The following DYNC1H1 variants were observed in gnomAD, a reference collection of about 807,000 sequenced individuals.
DYNC1H1 encodes the protein cytoplasmic dynein 1 heavy chain 1.
In DYNC1H1, 51 loss-of-function variants were observed where a neutral mutation model predicts 527.1. The observed-to-expected ratio is 0.10, with a 90% confidence interval of 0.08 to 0.12. The LOEUF is 0.12. Among genes scored for constraint, DYNC1H1 ranks in the 10% least tolerant of loss-of-function variants. DYNC1H1 has a pLI of 1.00. For missense variants in DYNC1H1, 2,771 were observed against 5,971.8 expected (o/e 0.46, Z 17.66); for synonymous variants, 2,189 against 2,278.8 (o/e 0.96, Z 1.12).
At chr14:101,988,120 A>G (rs2047956729) in intron 9 of DYNC1H1, among the ~76,000 whole-genome samples, 4 of 152,196 alleles carry the variant, frequency 2.6e-5, no homozygotes, top group Non-Finnish European at 5.9e-5. Context: ...CAGTACTCAC[A>G]TCAAGTTTAA....
chr14:101,984,384 T>A (rs561002247), intron 7 of DYNC1H1, among the ~76,000 whole-genome samples: 246 of 147,684 alleles, frequency 1.7e-3, no homozygotes, highest in African/African-American at 6.0e-3. Context: ...TGTGTGTGTA[T>A]ATATATATGC....
In DYNC1H1 at chr14:101,975,757, A is replaced by T; in HGVS notation, c.302A>T (p.Tyr101Phe). 6.2e-7 allele frequency: 1 copy of T among 1,613,828 alleles called. No homozygotes were observed. The highest frequency in any genetic ancestry group is 1.1e-5 in the South Asian group (1 of 91,062). The change falls in exon 2 of 78, where the codon TAT becomes TTT. Residue 101 changes from tyrosine (Y) to phenylalanine (F), a missense_variant. Coordinates refer to ENST00000360184, the MANE Select transcript of DYNC1H1 (RefSeq NM_001376.5). ...GAAGAAGAAAAAGAATTCATTTCCTATAACATCAACATAGACATTCATTAT... is the reference window on the plus strand; with the variant it reads ...GAAGAAGAAAAAGAATTCATTTCCTTTAACATCAACATAGACATTCATTAT... ...EGEEEKEFISYNINIDIHYGV... is the reference protein window; with the variant it reads ...EGEEEKEFISFNINIDIHYGV...
chr14:102,010,113 C>T lies in DYNC1H1; in HGVS notation c.6221+27C>T, dbSNP rs1324678123. On this transcript the variant is annotated intron_variant, in intron 30 of 77. Transcript: ENST00000360184. The surrounding 1 kb of genome is among the most constrained non-coding windows in gnomAD (Gnocchi z 6.0). ...TAAGTAGCCTAGAATTCTTCATAAT[C>T]ATGTTTCTTGCATATGTTAAATGTG... 2 of 1,613,292 alleles carry T rather than the reference C, an allele frequency of 1.2e-6. No homozygotes were observed. The highest frequency in any genetic ancestry group is 4.5e-5 in the East Asian group (2 of 44,894).
Position 102,015,056 on chromosome 14 carries a change from G to A in DYNC1H1, c.7015-49G>A, listed in dbSNP as rs762775207. 3 of 1,605,144 alleles carry A rather than the reference G, an allele frequency of 1.9e-6. No individual in the cohort carries two copies. Among genetic ancestry groups the A allele is most frequent in the Non-Finnish European group, 2.6e-6 (3 of 1,172,198 alleles). On this transcript the variant is annotated intron_variant, in intron 34 of 77. Coordinates refer to ENST00000360184, the MANE Select transcript of DYNC1H1 (RefSeq NM_001376.5). The surrounding 1 kb of genome is among the most constrained non-coding windows in gnomAD (Gnocchi z 6.9). ...TAGGTAAAAGAATCTTAATGTCCAGGTTTCTTCCAAACCTATGTCATTAAA... is the reference window on the plus strand; with the variant it reads ...TAGGTAAAAGAATCTTAATGTCCAGATTTCTTCCAAACCTATGTCATTAAA...
chr14:101,975,637 TC>T (rs1342563358), intron 1 of DYNC1H1, 74 bp from the exon 2 acceptor site: 1 of 1,337,446 alleles, frequency 7.5e-7, no homozygotes, highest in Non-Finnish European at 1.1e-6. Flanking sequence ...GAGAAAATAG[TC>T]ATTGTCTAAG....
At position 102,042,773 on chromosome 14, in the gene DYNC1H1, G is replaced by A. The variant is rs774332716; in HGVS notation, c.12513+25G>A. On this transcript the variant is annotated intron_variant, in intron 69 of 77. Coordinates refer to ENST00000360184, the MANE Select transcript of DYNC1H1 (RefSeq NM_001376.5). This position sits in a 1 kb window ranked among gnomAD's most constrained non-coding sequence, Gnocchi z 5.7. The stretch of plus-strand genomic sequence containing the variant: ...GGTAAGTACCTTGTCCTCCTGGTAT[G>A]CTTTCCCCATAGAAGCTAAAGCCCA... 1 of 1,612,440 alleles carries A rather than the reference G, an allele frequency of 6.2e-7. No homozygotes were observed. Among genetic ancestry groups the A allele is most frequent in the Admixed American group, 1.7e-5 (1 of 59,872 alleles).
At chr14:102,048,818 G>GC (rs2048763204) in intron 74 of DYNC1H1, 149 bp downstream of exon 74, 1 of 369,054 alleles carries the variant, frequency 2.7e-6, no homozygotes, top group Non-Finnish European at 5.2e-6. Context: ...CTCAAGGTGG[G>GC]CGGGGGGAGG....
rs747669050 is a variant in DYNC1H1, at chr14:102,020,322, G to A, written c.8507+266G>A. 4.6e-5 allele frequency among the ~76,000 whole-genome samples: 7 copies of A among 152,164 alleles called. No homozygotes were observed. Among genetic ancestry groups the A allele is most frequent in the Non-Finnish European group, 1.0e-4 (7 of 68,014 alleles). ...AGGCACTTTCATAAACCTTGTGGCT[G>A]TGAACAGGGTACTTTTTTTTTTAAA... is the stretch of plus-strand genomic sequence containing the variant. On this transcript the variant is annotated intron_variant, in intron 42 of 77. Coordinates refer to ENST00000360184, the MANE Select transcript of DYNC1H1 (RefSeq NM_001376.5). The surrounding 1 kb of genome is among the most constrained non-coding windows in gnomAD (Gnocchi z 4.3).
At chr14:102,034,606 G>A in intron 56 of DYNC1H1, 154 bp downstream of exon 56, 3 of 1,223,474 alleles carry the variant, frequency 2.5e-6, no homozygotes, top group Non-Finnish European at 3.5e-6. Flanking sequence ...GGTGGGGCGT[G>A]TGCTGTTCTC....
In DYNC1H1 at chr14:101,964,950, G is replaced by A; in HGVS notation, c.256+3G>A. On this transcript the variant is annotated splice_donor_region_variant and intron_variant, in intron 1 of 77. Coordinates refer to ENST00000360184, the MANE Select transcript of DYNC1H1 (RefSeq NM_001376.5). The surrounding 1 kb of genome is among the most constrained non-coding windows in gnomAD (Gnocchi z 5.5). ...GGTGGAGCGCTCCACGCTCAAAGGT[G>A]CGGGGCCGCGGAGGGCAGGGTCGCC... 1 of 1,591,526 alleles carries A rather than the reference G, an allele frequency of 6.3e-7. No homozygotes were observed. Among genetic ancestry groups the A allele is most frequent in the Admixed American group, 1.8e-5 (1 of 56,848 alleles).
rs373150429 is a variant in DYNC1H1, at chr14:102,049,987, G to A, written c.13685-84G>A. The A allele has an allele frequency of 1.8e-5, 29 of 1,595,516 alleles. No individual in the cohort carries two copies. The highest frequency in any genetic ancestry group is 1.8e-4 in the Admixed American group (10 of 56,852). On this transcript the variant is annotated intron_variant, in intron 76 of 77. Transcript: ENST00000360184. The surrounding 1 kb of genome is among the most constrained non-coding windows in gnomAD (Gnocchi z 5.5). ...ACTTAGGGTGACCGGCTGGCAGTTG[G>A]GTGGAGCCTCTGGGCGCCCTGTGAC...
chr14:102,049,968 G>A lies in DYNC1H1; in HGVS notation c.13684+86G>A, dbSNP rs1169041944. 1 of 1,613,656 alleles carries A rather than the reference G, an allele frequency of 6.2e-7. No individual in the cohort carries two copies. The highest frequency in any genetic ancestry group is 2.2e-5 in the East Asian group (1 of 44,890). On this transcript the variant is annotated intron_variant, in intron 76 of 77. Transcript: ENST00000360184. This position sits in a 1 kb window ranked among gnomAD's most constrained non-coding sequence, Gnocchi z 5.5. ...ATTGTTCCCAGATACATGCACTTAGGGTGACCGGCTGGCAGTTGGGTGGAG... is the reference window on the plus strand; with the variant it reads ...ATTGTTCCCAGATACATGCACTTAGAGTGACCGGCTGGCAGTTGGGTGGAG...
In DYNC1H1 at chr14:102,005,658, C is replaced by T. The variant is rs774369800; in HGVS notation, c.5434-230C>T. 6.6e-6 allele frequency among the ~76,000 whole-genome samples: 1 copy of T among 152,184 alleles called. No individual in the cohort carries two copies. Among genetic ancestry groups the T allele is most frequent in the Non-Finnish European group, 1.5e-5 (1 of 68,032 alleles). On this transcript the variant is annotated intron_variant, in intron 26 of 77. Transcript: ENST00000360184. This position sits in a 1 kb window ranked among gnomAD's most constrained non-coding sequence, Gnocchi z 4.0. Reference sequence around the variant, plus strand: ...TGCAGAATTTTAAAATATTTAAAGCCAGGTGTTTCTGTTTCTTTGTTTTTG... The same window carrying T: ...TGCAGAATTTTAAAATATTTAAAGCTAGGTGTTTCTGTTTCTTTGTTTTTG...
At chr14:102,032,186 C>A in intron 51 of DYNC1H1, 86 bp from the exon 52 acceptor site, 2 of 1,528,828 alleles carry the variant, frequency 1.3e-6, no homozygotes, top group Non-Finnish European at 1.8e-6. Flanking sequence ...GGAGTTGGAG[C>A]TCCTGGCTGT....
chr14:102,040,742 T>C, intron 64 of DYNC1H1, 69 bp downstream of exon 64: 10 of 1,570,692 alleles, frequency 6.4e-6, no homozygotes, highest in Non-Finnish European at 7.9e-6. Context: ...AAAGGGATGC[T>C]TTCAAAAAAC....
Position 101,983,078 on chromosome 14 carries a change from C to T in DYNC1H1, c.1021C>T (p.Leu341=). The T allele has an allele frequency of 6.8e-6, 11 of 1,614,212 alleles. No individual in the cohort carries two copies. The highest frequency in any genetic ancestry group is 9.3e-6 in the Non-Finnish European group (11 of 1,180,048). Residue 341 remains leucine (L), a synonymous_variant, in exon 6 of 78, where the codon CTG becomes TTG. Coordinates refer to ENST00000360184, the MANE Select transcript of DYNC1H1 (RefSeq NM_001376.5). This position sits in a 1 kb window ranked among gnomAD's most constrained non-coding sequence, Gnocchi z 5.3. ...DYNPLMKDFP[L]NDLLSATELD... is the part of the protein sequence containing the mutation. Reference sequence around the variant, plus strand: ...CAATCCTCTGATGAAAGATTTCCCTCTGAATGATTTGCTGTCTGCCACGGA... The same window carrying T: ...CAATCCTCTGATGAAAGATTTCCCTTTGAATGATTTGCTGTCTGCCACGGA...
chr14:101,997,363 G>C lies in DYNC1H1; in HGVS notation c.3804+89G>C, dbSNP rs1207377187. 6.3e-7 allele frequency: 1 copy of C among 1,599,060 alleles called. No individual in the cohort carries two copies. The highest frequency in any genetic ancestry group is 2.2e-5 in the East Asian group (1 of 44,492). ...TTTCAAGCCTAAAAGGCCTTGCTGT[G>C]ACTGAGCTTTCTAGTATTGAAGACT... On this transcript the variant is annotated intron_variant, in intron 16 of 77. Coordinates refer to ENST00000360184, the MANE Select transcript of DYNC1H1 (RefSeq NM_001376.5). This position sits in a 1 kb window ranked among gnomAD's most constrained non-coding sequence, Gnocchi z 4.8.
chr14:101,964,736 A>T lies in DYNC1H1; in HGVS notation c.45A>T (p.Gly15=). The T allele has an allele frequency of 6.3e-7, 1 of 1,595,604 alleles. No homozygotes were observed. Among genetic ancestry groups the T allele is most frequent in the Non-Finnish European group, 8.5e-7 (1 of 1,175,242 alleles). Residue 15 remains glycine, a synonymous_variant, in exon 1 of 78, where the codon GGA becomes GGT. Coordinates refer to ENST00000360184, the MANE Select transcript of DYNC1H1 (RefSeq NM_001376.5). This position sits in a 1 kb window ranked among gnomAD's most constrained non-coding sequence, Gnocchi z 5.5. ...GGGGGEDGSA[G]LEVSAVQNVA... Reference sequence around the variant, plus strand: ...GCGGCGGCGAGGACGGCTCGGCCGGATTGGAAGTGTCGGCCGTGCAGAATG... The same window carrying T: ...GCGGCGGCGAGGACGGCTCGGCCGGTTTGGAAGTGTCGGCCGTGCAGAATG...
intron 63 of DYNC1H1, 55 bp from the exon 64 acceptor site, chr14:102,040,543 T>G: frequency 6.2e-7 from 1 of 1,613,086 alleles, no homozygotes; most frequent in Non-Finnish European, 8.5e-7. Context: ...CAGTCGTGGG[T>G]TCTGCCCCAG....
Sources: allele counts gnomAD v4.1 joint callset (sites outside exome capture counted in the v4.1 genomes callset), GRCh38; gene constraint gnomAD v4.1.1; non-coding constraint Gnocchi (gnomAD v3.1); transcripts MANE v1.5; gene names NCBI Gene and HGNC (gene_info 2026-07-23, HGNC 2026-07-21).